PCDHA8: variants seen among roughly 807,000 people sequenced by gnomAD.
PCDHA8 encodes the protein protocadherin alpha 8.
In PCDHA8, 53 loss-of-function variants were observed where a neutral mutation model predicts 61.8. The observed-to-expected ratio is 0.86, with a 90% CI of 0.69 to 1.08. The LOEUF (loss-of-function observed/expected upper bound fraction) is 1.08, where lower values mean the gene tolerates loss of function less well. Among genes scored for constraint, PCDHA8 ranks in the 50% least tolerant of loss-of-function variants. The pLI, the probability that PCDHA8 is intolerant of heterozygous loss-of-function variation, is 0.00. For missense variants in PCDHA8, 1,293 were observed against 1,245.0 expected (o/e 1.04, Z -0.58); for synonymous variants, 618 against 556.6 (o/e 1.11, Z -1.55).
chr5:140,941,206 T>TCTTC (rs201128549), intron 1 of PCDHA8, among the ~76,000 whole-genome samples: 3,670 of 95,482 alleles, frequency 0.038, 169 homozygotes, highest in African/African-American at 0.16. Flanking sequence ...TTTCTTCCTT[T>TCTTC]CTTTCTTCCT....
At position 140,897,120 on chromosome 5, in the gene PCDHA8, C is replaced by T. The variant is rs116233032; in HGVS notation, c.2394+53405C>T. Among the ~76,000 whole-genome samples, 1,215 of 152,248 alleles carry T rather than the reference C, an allele frequency of 8.0e-3. 5 individuals are homozygous for T. The highest frequency in any genetic ancestry group is 0.019 in the African/African-American group (784 of 41,540). On this transcript the variant is annotated intron_variant, in intron 1 of 3. Coordinates refer to ENST00000531613, the MANE Select transcript of PCDHA8 (RefSeq NM_018911.3). ...TAAAAATCTCCACTTTCTGTCCACA[C>T]CCCACTAAACTTTCTAGCCTTTGTT... is the stretch of plus-strand genomic sequence containing the variant.
chr5:140,933,137 A>C (rs1378585369), intron 1 of PCDHA8, among the ~76,000 whole-genome samples: 1 of 151,994 alleles, frequency 6.6e-6, no homozygotes, highest in African/African-American at 2.4e-5. Context: ...ATAAAGGTAG[A>C]TAGCCACTCA....
intron 1 of PCDHA8, among the ~76,000 whole-genome samples, chr5:140,925,244 G>A (rs1403438242): frequency 1.3e-5 from 2 of 152,070 alleles, no homozygotes; most frequent in African/African-American, 4.8e-5. Context: ...AATATGTCCT[G>A]GAAACTTTAA....
At chr5:140,882,755 G>A in intron 1 of PCDHA8, 2 of 1,614,230 alleles carry the variant, frequency 1.2e-6, no homozygotes, top group Non-Finnish European at 1.7e-6. Context: ...TGCAGATATT[G>A]GAGTAAACTC....
chr5:140,848,807 C>G, intron 1 of PCDHA8: 1 of 1,591,972 alleles, frequency 6.3e-7, no homozygotes, highest in East Asian at 2.2e-5. Context: ...AGTGCAGCAT[C>G]CACCTGGAGG....
rs2150323800 is a variant in PCDHA8 at position 140,841,831 on chromosome 5, C to G, written c.510C>G (p.Tyr170Ter). ...ADVGANSVLT[Y>*]RLSSHDYFML... ...TTGGAGCTAACTCCGTGTTAACCTA[C>G]AGGCTTAGCTCTCATGATTACTTCA... is the stretch of plus-strand genomic sequence containing the variant. The change falls in exon 1 of 4, where the codon TAC (tyrosine) becomes TAG (stop). Residue 170 changes from tyrosine to a stop codon, truncating the protein, a stop_gained. Coordinates refer to ENST00000531613, the MANE Select transcript of PCDHA8 (RefSeq NM_018911.3). LOFTEE classifies it high-confidence loss of function. 6.2e-7 allele frequency: 1 copy of G among 1,613,930 alleles called. No homozygotes were observed. The highest frequency in any genetic ancestry group is 2.2e-5 in the East Asian group (1 of 44,884).
chr5:140,965,316 T>C (rs1411473254), intron 1 of PCDHA8, among the ~76,000 whole-genome samples: 2 of 152,200 alleles, frequency 1.3e-5, no homozygotes, highest in Admixed American at 6.5e-5. Context: ...CCTTCTCTTT[T>C]ACTGAAGTGA....
chr5:140,898,228 C>T (rs1302111875), intron 1 of PCDHA8, among the ~76,000 whole-genome samples: 1 of 152,118 alleles, frequency 6.6e-6, no homozygotes, highest in Non-Finnish European at 1.5e-5. Flanking sequence ...CTTTTGTTGC[C>T]ATTGCTTTTG....
intron 1 of PCDHA8, among the ~76,000 whole-genome samples, chr5:140,922,177 A>C (rs1194396252): frequency 2.9e-5 from 2 of 69,034 alleles, no homozygotes; most frequent in African/African-American, 9.2e-5. Context: ...TACAGCAGAC[A>C]AAAAAAAAGT....
intron 1 of PCDHA8, chr5:140,875,396 T>TA (rs1256359492): frequency 1.4e-6 from 2 of 1,478,102 alleles, no homozygotes; most frequent in African/African-American, 2.8e-5. Flanking sequence ...CAGAAAAGGG[T>TA]GACTGCTCAT....
At position 140,969,448 on chromosome 5, in the gene PCDHA8, G is replaced by A. The variant is rs781843317; in HGVS notation, c.2395-9501G>A. 468 of 1,537,938 alleles carry A rather than the reference G, an allele frequency of 3.0e-4. 1 individual carries two copies. Among genetic ancestry groups the A allele is most frequent in the Non-Finnish European group, 4.0e-4 (459 of 1,139,778 alleles). On this transcript the variant is annotated intron_variant, in intron 1 of 3. Coordinates refer to ENST00000531613, the MANE Select transcript of PCDHA8 (RefSeq NM_018911.3). ...AGTGACAAGAGTTATCTGGTAAACT[G>A]AGTATATATAGTATCCACAATTTGA...
intron 1 of PCDHA8, among the ~76,000 whole-genome samples, chr5:140,903,580 G>T (rs2070406453): frequency 6.6e-6 from 1 of 152,154 alleles, no homozygotes; most frequent in South Asian, 2.1e-4. Context: ...CTGTCTAGCT[G>T]GTGTTGGCCT....
At chr5:140,941,219 C>CTT (rs1308794823) in intron 1 of PCDHA8, among the ~76,000 whole-genome samples, 11 of 125,974 alleles carry the variant, frequency 8.7e-5, no homozygotes, top group African/African-American at 3.2e-4. Flanking sequence ...TTCTTCCTTT[C>CTT]TTTCTTTCTT....
At chr5:140,964,629 T>C (rs1315614801) in intron 1 of PCDHA8, among the ~76,000 whole-genome samples, 1 of 152,028 alleles carries the variant, frequency 6.6e-6, no homozygotes, top group Non-Finnish European at 1.5e-5. Context: ...TTATAAGCCA[T>C]TTATTTTCAG....
chr5:140,865,936 A>G (rs1279027190), intron 1 of PCDHA8: 2 of 152,184 alleles, frequency 1.3e-5, no homozygotes, highest in Non-Finnish European at 2.9e-5. Flanking sequence ...AAGAAACTTC[A>G]TGATTGTCTT....
intron 1 of PCDHA8, chr5:140,848,263 A>C: frequency 2.1e-6 from 1 of 484,676 alleles, no homozygotes; most frequent in Non-Finnish European, 3.6e-6. Context: ...TGAAATTTTT[A>C]TTCATGAAAT....
chr5:140,858,857 T>G (rs1461225886), intron 1 of PCDHA8: 1 of 267,642 alleles, frequency 3.7e-6, no homozygotes, highest in African/African-American at 2.3e-5. Flanking sequence ...CTATATCTCT[T>G]CAGTGAAAAT....
At chr5:140,962,319 T>A (rs1585921663) in intron 1 of PCDHA8, among the ~76,000 whole-genome samples, 1 of 152,226 alleles carries the variant, frequency 6.6e-6, no homozygotes, top group Admixed American at 6.5e-5. Context: ...GCCATCTCAA[T>A]TGAGAATACT....
chr5:140,967,019 C>T (rs887648506), intron 1 of PCDHA8: 1 of 1,607,542 alleles, frequency 6.2e-7, no homozygotes, highest in Non-Finnish European at 8.5e-7. Flanking sequence ...TCTGGGTGCG[C>T]CCAGTCCGCG....
Sources: allele counts gnomAD v4.1 joint callset (sites outside exome capture counted in the v4.1 genomes callset), GRCh38; gene constraint gnomAD v4.1.1; transcripts MANE v1.5; gene names NCBI Gene and HGNC (gene_info 2026-07-23, HGNC 2026-07-21).